MAPKAP1: variants seen among roughly 807,000 people sequenced by gnomAD.
MAPKAP1 encodes the protein MAPK associated protein 1.
In MAPKAP1, 20 loss-of-function variants were observed where a neutral mutation model predicts 65.7. The ratio of observed to expected loss-of-function variants is 0.30; its 90% CI spans 0.21 to 0.44. MAPKAP1 has a LOEUF of 0.44. Ranked by LOEUF, MAPKAP1 falls within the 20% of genes least tolerant of loss-of-function variation. The probability of loss-of-function intolerance (pLI) is 1.00; values close to 1 mark genes in which losing one functional copy is unlikely to be tolerated. For missense variants in MAPKAP1, 423 were observed against 648.0 expected, an observed-to-expected ratio of 0.65 and a Z score of 3.77; for synonymous variants, 222 against 244.3, an observed-to-expected ratio of 0.91 and a Z score of 0.85.
intron 11 of MAPKAP1, among the ~76,000 whole-genome samples, chr9:125,441,232 C>G (rs1005505128): frequency 2.0e-5 from 3 of 152,088 alleles, no homozygotes; most frequent in Non-Finnish European, 2.9e-5. Context: ...TTGAAGAGCC[C>G]GACAACTCCT....
chr9:125,649,820 AAAG>A (rs1161971286), intron 4 of MAPKAP1, among the ~76,000 whole-genome samples: 20 of 152,080 alleles, frequency 1.3e-4, no homozygotes, highest in Admixed American at 7.9e-4. Flanking sequence ...AAAAAAAAGA[AAAG>A]AAGAAAATAA....
chr9:125,509,008 C>T (rs948605026), intron 7 of MAPKAP1, among the ~76,000 whole-genome samples: 1 of 151,870 alleles, frequency 6.6e-6, no homozygotes, highest in Admixed American at 6.6e-5. Context: ...CAAATTACAG[C>T]ACATTTTAAA....
chr9:125,676,391 A>G (rs140313140), intron 1 of MAPKAP1, among the ~76,000 whole-genome samples: 82 of 152,350 alleles, frequency 5.4e-4, no homozygotes, highest in African/African-American at 1.9e-3. Flanking sequence ...TTAACAATAC[A>G]TGGTAGAGGG....
chr9:125,614,033 C>T (rs1429846331), intron 4 of MAPKAP1, among the ~76,000 whole-genome samples: 4 of 152,022 alleles, frequency 2.6e-5, no homozygotes, highest in African/African-American at 7.2e-5. Context: ...CTCCTGACCT[C>T]GTGATCCACC....
At chr9:125,465,591 T>C (rs1853640786) in intron 10 of MAPKAP1, among the ~76,000 whole-genome samples, 1 of 152,226 alleles carries the variant, frequency 6.6e-6, no homozygotes, top group African/African-American at 2.4e-5. Flanking sequence ...TTTTGGATTC[T>C]AAATTCTGGC....
At chr9:125,576,136 A>G (rs897756228) in intron 5 of MAPKAP1, among the ~76,000 whole-genome samples, 4 of 152,234 alleles carry the variant, frequency 2.6e-5, no homozygotes, top group Non-Finnish European at 4.4e-5. Context: ...ATGCAATACT[A>G]CAGAGACAGA....
chr9:125,574,072 G>C (rs986644861), intron 5 of MAPKAP1, among the ~76,000 whole-genome samples: 7 of 152,184 alleles, frequency 4.6e-5, no homozygotes, highest in African/African-American at 1.7e-4. Flanking sequence ...TTGAATGCAT[G>C]AATGAATAGA....
intron 1 of MAPKAP1, among the ~76,000 whole-genome samples, chr9:125,676,633 G>A (rs888036037): frequency 6.6e-6 from 1 of 152,194 alleles, no homozygotes; most frequent in Non-Finnish European, 1.5e-5. Flanking sequence ...TGGGGAAAAA[G>A]TATTTAACGG....
At chr9:125,500,828 A>G (rs573377187) in intron 8 of MAPKAP1, among the ~76,000 whole-genome samples, 1 of 152,350 alleles carries the variant, frequency 6.6e-6, no homozygotes, top group Admixed American at 6.5e-5. Context: ...ATTTTGAAAC[A>G]GAATCCACTA....
At chr9:125,593,490 C>T (rs1055428251) in intron 4 of MAPKAP1, among the ~76,000 whole-genome samples, 5 of 151,894 alleles carry the variant, frequency 3.3e-5, no homozygotes, top group Admixed American at 1.3e-4. Context: ...AGTGAAACCC[C>T]GTCTCTACTG....
At chr9:125,622,331 G>T (rs1158604134) in intron 4 of MAPKAP1, among the ~76,000 whole-genome samples, 5 of 152,164 alleles carry the variant, frequency 3.3e-5, no homozygotes, top group Admixed American at 2.0e-4. Context: ...ACACAGAAAT[G>T]ATGTTTGTGA....
chr9:125,617,967 A>T (rs1171124471), intron 4 of MAPKAP1, among the ~76,000 whole-genome samples: 5 of 152,130 alleles, frequency 3.3e-5, no homozygotes, highest in African/African-American at 1.2e-4. Flanking sequence ...TCAGTATTTA[A>T]TTTTTTCTAA....
In MAPKAP1 at chr9:125,622,824, C is replaced by G. The variant is rs1021742117; in HGVS notation, c.498+34827G>C. On this transcript the variant is annotated intron_variant, in intron 4 of 11. Transcript: ENST00000265960. ...TCCCCTCTCCCCTCTCCCCTCTCCC[C>G]TCTCCGTCTCCCCAGTCTCCCTCTC... 9.2e-4 allele frequency among the ~76,000 whole-genome samples: 128 copies of G among 139,460 alleles called. 1 individual carries two copies. Among genetic ancestry groups the G allele is most frequent in the South Asian group, 2.6e-3 (11 of 4,208 alleles). The allele number at this position is 139,460 out of a possible 152,430, so 91.5% of individuals were successfully genotyped here. A position where few individuals can be genotyped will look rare whatever the true frequency, so the allele number is the denominator to read the frequency against.
intron 6 of MAPKAP1, among the ~76,000 whole-genome samples, chr9:125,554,523 G>C (rs757546753): frequency 6.6e-6 from 1 of 152,152 alleles, no homozygotes; most frequent in Non-Finnish European, 1.5e-5. Context: ...TCTAGGTTAG[G>C]AGCGGTGGCT....
At position 125,445,118 on chromosome 9, in the gene MAPKAP1, G is replaced by T. The variant is rs538509346; in HGVS notation, c.1346-520C>A. ...TGGAAGCTGCTCCCAAAGGCCTCAG[G>T]TCATCTCAACCCTGGGAGGATGGGG... is the stretch of plus-strand genomic sequence containing the variant. On this transcript the variant is annotated intron_variant, in intron 10 of 11. Transcript: ENST00000265960. Among the ~76,000 whole-genome samples the T allele has an allele frequency of 3.1e-4, 47 of 151,382 alleles. No individual in the cohort carries two copies. The Middle Eastern group carries it at 0.021, about 66-fold the overall frequency.
chr9:125,676,825 A>G (rs904562915), intron 1 of MAPKAP1, among the ~76,000 whole-genome samples: 1 of 152,180 alleles, frequency 6.6e-6, no homozygotes, highest in Non-Finnish European at 1.5e-5. Flanking sequence ...AAGTTTTTTT[A>G]AAAAGTCTAG....
At chr9:125,588,847 T>A (rs1205055308) in intron 4 of MAPKAP1, among the ~76,000 whole-genome samples, 1 of 152,190 alleles carries the variant, frequency 6.6e-6, no homozygotes, top group Non-Finnish European at 1.5e-5. Flanking sequence ...TCTGGCCCTG[T>A]CTACCTCTTT....
intron 1 of MAPKAP1, among the ~76,000 whole-genome samples, chr9:125,704,037 C>T (rs1835686514): frequency 6.6e-6 from 1 of 152,152 alleles, no homozygotes; most frequent in African/African-American, 2.4e-5. Context: ...AGTGCAAAGG[C>T]CACTTCCATT....
chr9:125,591,807 A>T (rs568897146), intron 4 of MAPKAP1, among the ~76,000 whole-genome samples: 1 of 152,336 alleles, frequency 6.6e-6, no homozygotes, highest in East Asian at 1.9e-4. Flanking sequence ...TAACTTATTT[A>T]AAAAAACGGT....
Sources: gnomAD v4.1 joint callset for allele counts (sites outside exome capture counted in the v4.1 genomes callset) on GRCh38, gnomAD v4.1.1 for gene constraint, MANE v1.5 for transcripts, NCBI Gene and HGNC (gene_info 2026-07-23, HGNC 2026-07-21) for gene names.